The following GSKIP variants were observed in gnomAD, a reference collection of about 807,000 sequenced individuals.
GSKIP encodes GSK3B interacting protein.
In GSKIP, 5 loss-of-function variants were observed where a neutral mutation model predicts 11.9. That is an observed-to-expected ratio of 0.42 (90% CI 0.22 to 0.89). GSKIP has a LOEUF of 0.89. Ranked by LOEUF, GSKIP falls within the 40% of genes least tolerant of loss-of-function variation. The probability of loss-of-function intolerance (pLI) is 0.29; values close to 1 mark genes in which losing one functional copy is unlikely to be tolerated. For missense variants in GSKIP, 150 were observed against 166.6 expected, an observed-to-expected ratio of 0.90 and a Z score of 0.55; for synonymous variants, 70 against 62.9, an observed-to-expected ratio of 1.11 and a Z score of -0.54.
Position 96,382,469 on chromosome 14 carries a change from C to G in GSKIP, c.222C>G (p.Asn74Lys), listed in dbSNP as rs767244629. The G allele has an allele frequency of 5.0e-6, 8 of 1,613,010 alleles. No individual in the cohort carries two copies. In the East Asian group the frequency reaches 1.1e-4, roughly 22 times the overall value. ...TCAATGTGGAAACAAAGGAAAGAAA[C>G]AGATATTGCCTAGAACTCACTGAAG... Reference protein sequence around the residue: ...AYINVETKERNRYCLELTEAG... With the variant: ...AYINVETKERKRYCLELTEAG... The change falls in exon 3 of 4, where the codon AAC becomes AAG. Residue 74 changes from asparagine (N) to lysine (K), a missense_variant. Physicochemically the swap from Asn to Lys is moderately conservative, Grantham distance 94. Coordinates refer to ENST00000555181, the MANE Select transcript of GSKIP (RefSeq NM_016472.5).
intron 2 of GSKIP, among the ~76,000 whole-genome samples, chr14:96,380,719 A>G (rs572939489): frequency 6.6e-6 from 1 of 152,188 alleles, no homozygotes; most frequent in Non-Finnish European, 1.5e-5. Context: ...TTTAAGAGCC[A>G]GGTGTGGTGG....
chr14:96,375,424 TTC>T (rs1889170127), intron 1 of GSKIP, among the ~76,000 whole-genome samples: 1 of 142,880 alleles, frequency 7.0e-6, no homozygotes, highest in Non-Finnish European at 1.5e-5. Flanking sequence ...AGAAATTTAT[TTC>T]TTTTTCTCTC....
At position 96,382,169 on chromosome 14, in the gene GSKIP, G is replaced by A. The variant is rs1312394085; in HGVS notation, c.-1-78G>A. 3.0e-6 allele frequency: 3 copies of A among 985,930 alleles called. No homozygotes were observed. In the African/African-American group the frequency reaches 4.9e-5, roughly 16 times the overall value. The allele number at this position is 985,930 out of a possible 1,614,324, so 61.1% of individuals were successfully genotyped here. On this transcript the variant is annotated intron_variant, in intron 2 of 3. Transcript: ENST00000555181. ...TACTAAGGAGCAATTGTAAGGCATA[G>A]CTAATTTTAATCAAATGTAGTAGTT... is the stretch of plus-strand genomic sequence containing the variant.
At chr14:96,372,948 G>A (rs1010008211) in intron 1 of GSKIP, among the ~76,000 whole-genome samples, 1 of 151,888 alleles carries the variant, frequency 6.6e-6, no homozygotes, top group Non-Finnish European at 1.5e-5. Flanking sequence ...ATGAGAGGAG[G>A]GGCCAGGTGC....
chr14:96,368,299 C>T (rs965717908), intron 1 of GSKIP, among the ~76,000 whole-genome samples: 1 of 151,854 alleles, frequency 6.6e-6, no homozygotes, highest in African/African-American at 2.4e-5. Flanking sequence ...CCTACCTCAG[C>T]CCCTAAGTAG....
intron 2 of GSKIP, among the ~76,000 whole-genome samples, chr14:96,380,903 A>G (rs1191373651): frequency 6.6e-6 from 1 of 152,198 alleles, no homozygotes; most frequent in Admixed American, 6.5e-5. Context: ...TACCAGTCTA[A>G]TCTAACTCCA....
At chr14:96,363,623 G>A (rs916806188) in intron 1 of GSKIP, 55 bp downstream of exon 1, 1 of 152,378 alleles carries the variant, frequency 6.6e-6, no homozygotes, top group Non-Finnish European at 1.5e-5. Context: ...GAAGGGCTAG[G>A]GGCTCGGGGC....
At chr14:96,384,528 C>T (rs1001355784) in intron 3 of GSKIP, 1 of 151,588 alleles carries the variant, frequency 6.6e-6, no homozygotes, top group South Asian at 2.1e-4. Flanking sequence ...TTAATTTTGC[C>T]CTATATTGTG....
chr14:96,378,501 G>A (rs1889261265), intron 1 of GSKIP, among the ~76,000 whole-genome samples: 1 of 152,198 alleles, frequency 6.6e-6, no homozygotes, highest in Non-Finnish European at 1.5e-5. Flanking sequence ...AAGGAATACA[G>A]ACCTGCTGAC....
chr14:96,384,394 T>TAA (rs767802272), intron 3 of GSKIP, among the ~76,000 whole-genome samples: 12 of 143,652 alleles, frequency 8.4e-5, no homozygotes, highest in South Asian at 2.3e-4. Context: ...GCTTTTCATT[T>TAA]AAAAAAAAAA....
chr14:96,367,977 C>A (rs751437298), intron 1 of GSKIP, among the ~76,000 whole-genome samples: 29 of 151,960 alleles, frequency 1.9e-4, no homozygotes, highest in Non-Finnish European at 3.5e-4. Flanking sequence ...TTTTATGTCT[C>A]TGTAGATATT....
intron 1 of GSKIP, among the ~76,000 whole-genome samples, chr14:96,378,251 G>A (rs955273953): frequency 1.6e-4 from 24 of 152,140 alleles, no homozygotes; most frequent in African/African-American, 5.8e-4. Flanking sequence ...CTACTTGGGA[G>A]GTTGAGGTGG....
intron 3 of GSKIP, among the ~76,000 whole-genome samples, chr14:96,382,706 T>C (rs933104049): frequency 5.3e-5 from 8 of 152,208 alleles, no homozygotes; most frequent in Non-Finnish European, 1.0e-4. Context: ...CAGAATTTTT[T>C]TGAAAAACAT....
At chr14:96,375,551 A>G (rs1021975042) in intron 1 of GSKIP, among the ~76,000 whole-genome samples, 13 of 150,962 alleles carry the variant, frequency 8.6e-5, no homozygotes. Context: ...CTCCTGCCTC[A>G]GCCTCCCGAG....
chr14:96,375,594 T>C (rs1889177625), intron 1 of GSKIP, among the ~76,000 whole-genome samples: 1 of 151,920 alleles, frequency 6.6e-6, no homozygotes, highest in South Asian at 2.1e-4. Context: ...CCACCACGCC[T>C]GGCTAATTTT....
At chr14:96,384,135 A>G (rs1889424053) in intron 3 of GSKIP, among the ~76,000 whole-genome samples, 3 of 152,204 alleles carry the variant, frequency 2.0e-5, no homozygotes, top group Non-Finnish European at 4.4e-5. Context: ...AAAACCTGAC[A>G]TGTAGTAGGT....
intron 1 of GSKIP, among the ~76,000 whole-genome samples, chr14:96,366,310 G>T (rs557521818): frequency 6.7e-6 from 1 of 148,788 alleles, no homozygotes; most frequent in Non-Finnish European, 1.5e-5. Flanking sequence ...ATTGCATTCG[G>T]GCTATCCATA....
At chr14:96,369,706 A>G (rs1165270556) in intron 1 of GSKIP, among the ~76,000 whole-genome samples, 1 of 152,132 alleles carries the variant, frequency 6.6e-6, no homozygotes, top group Non-Finnish European at 1.5e-5. Context: ...GGCAGCTTCC[A>G]CCTAGATTTT....
chr14:96,370,936 A>C (rs1288331670), intron 1 of GSKIP, among the ~76,000 whole-genome samples: 2 of 152,234 alleles, frequency 1.3e-5, no homozygotes, highest in Admixed American at 1.3e-4. Context: ...TATTGCTGAA[A>C]ATGGGGTGCA....
Sources: gnomAD v4.1 joint callset for allele counts (sites outside exome capture counted in the v4.1 genomes callset) on GRCh38, gnomAD v4.1.1 for gene constraint, MANE v1.5 for transcripts, NCBI Gene and HGNC (gene_info 2026-07-23, HGNC 2026-07-21) for gene names.